The following RTKN2 variants were observed in gnomAD, a reference collection of about 807,000 sequenced individuals.
RTKN2 encodes rhotekin-2.
A neutral mutation model predicts 71.5 loss-of-function variants in RTKN2; 69 were observed. The observed-to-expected ratio is 0.96, with a 90% CI of 0.79 to 1.18. The LOEUF is 1.18. Among genes scored for constraint, RTKN2 ranks in the 50% most tolerant of loss-of-function variants. The pLI is 0.00. For synonymous variants in RTKN2, 236 were observed against 236.5 expected (o/e 1.00, Z 0.02); for missense variants, 724 against 719.7 (o/e 1.01, Z -0.07).
At chr10:62,209,268 C>CA (rs991232611) in intron 9 of RTKN2, among the ~76,000 whole-genome samples, 20 of 148,822 alleles carry the variant, frequency 1.3e-4, no homozygotes, top group South Asian at 4.2e-4. Flanking sequence ...AACTCCATCT[C>CA]AAAAAAAAAG....
intron 6 of RTKN2, among the ~76,000 whole-genome samples, chr10:62,223,727 A>G (rs1432980214): frequency 6.6e-6 from 1 of 152,210 alleles, no homozygotes; most frequent in Non-Finnish European, 1.5e-5. Context: ...TGCTGGTCGG[A>G]ATGTAAAATG....
intron 6 of RTKN2, among the ~76,000 whole-genome samples, chr10:62,228,464 G>A (rs1372818046): frequency 6.6e-6 from 1 of 152,164 alleles, no homozygotes; most frequent in South Asian, 2.1e-4. Context: ...TGGGATGGAG[G>A]TAACATGAGG....
chr10:62,235,358 A>C (rs979156890), intron 6 of RTKN2, among the ~76,000 whole-genome samples: 1 of 152,140 alleles, frequency 6.6e-6, no homozygotes, highest in Non-Finnish European at 1.5e-5. Context: ...TTCTATAAGA[A>C]TAAAGCATGA....
At chr10:62,217,872 C>T (rs1841810109) in intron 8 of RTKN2, among the ~76,000 whole-genome samples, 1 of 151,414 alleles carries the variant, frequency 6.6e-6, no homozygotes, top group South Asian at 2.1e-4. Context: ...CCAGAAAGAC[C>T]TTTATGTGAA....
At chr10:62,242,982 T>A (rs1194901619) in intron 3 of RTKN2, among the ~76,000 whole-genome samples, 1 of 152,196 alleles carries the variant, frequency 6.6e-6, no homozygotes, top group Non-Finnish European at 1.5e-5. Flanking sequence ...ATTTACTTTT[T>A]AAATTTTATT....
At chr10:62,185,617 CAA>C (rs1008412553) in intron 8 of RTKN2, among the ~76,000 whole-genome samples, 1 of 146,910 alleles carries the variant, frequency 6.8e-6, no homozygotes, top group African/African-American at 2.5e-5. Flanking sequence ...GACTCCGTCT[CAA>C]AAAAAAAAGA....
chr10:62,217,767 T>G (rs1461728605), intron 8 of RTKN2, among the ~76,000 whole-genome samples: 1 of 152,162 alleles, frequency 6.6e-6, no homozygotes, highest in East Asian at 1.9e-4. Context: ...TTACTGAATA[T>G]AAATAACTAT....
downstream of RTKN2, among the ~76,000 whole-genome samples, chr10:62,189,057 A>AC (rs1589323601): frequency 3.8e-5 from 2 of 53,190 alleles, no homozygotes; most frequent in East Asian, 1.1e-3. Flanking sequence ...CATATTTCCT[A>AC]CTTTTTTTTT....
intron 2 of RTKN2, among the ~76,000 whole-genome samples, chr10:62,254,360 G>C (rs909240646): frequency 6.6e-6 from 1 of 152,278 alleles, no homozygotes; most frequent in South Asian, 2.1e-4. Context: ...GGAAATGCTT[G>C]CTTTCCCTTC....
In RTKN2 at chr10:62,196,324, C is replaced by T. The variant is rs1841330458; in HGVS notation, c.*1584G>A. 2.0e-6 allele frequency: 2 copies of T among 984,076 alleles called. No individual in the cohort carries two copies. Among genetic ancestry groups the T allele is most frequent in the Non-Finnish European group, 2.4e-6 (2 of 828,764 alleles). The allele number at this position is 984,076 out of a possible 1,614,324, so 61.0% of individuals were successfully genotyped here. A position where few individuals can be genotyped will look rare whatever the true frequency, so the allele number is the denominator to read the frequency against. ...ACATGTGATGATCTCTACATGCTAT[C>T]AAGCAGGCATATAGTACTTTCTTCT... On this transcript the variant is annotated 3_prime_UTR_variant, in exon 12 of 12. Transcript: ENST00000373789.
intron 1 of RTKN2, among the ~76,000 whole-genome samples, chr10:62,266,468 CTG>C (rs1410851410): frequency 4.6e-5 from 7 of 152,094 alleles, no homozygotes; most frequent in African/African-American, 1.4e-4. Context: ...CTAAAAGAAA[CTG>C]TGTGGATTTT....
intron 9 of RTKN2, among the ~76,000 whole-genome samples, chr10:62,207,769 A>C (rs374564505): frequency 6.6e-6 from 1 of 152,088 alleles, no homozygotes. Flanking sequence ...GAAACAGGAA[A>C]AGAACAACTC....
chr10:62,200,245 C>G (rs1024965555), intron 10 of RTKN2, among the ~76,000 whole-genome samples: 1 of 151,168 alleles, frequency 6.6e-6, no homozygotes, highest in Non-Finnish European at 1.5e-5. Context: ...TGGCTGTAGT[C>G]CCCGCTACTT....
intron 1 of RTKN2, among the ~76,000 whole-genome samples, chr10:62,266,424 A>C (rs1010868667): frequency 6.6e-6 from 1 of 152,262 alleles, no homozygotes; most frequent in African/African-American, 2.4e-5. Context: ...CAAGGTGAAG[A>C]AGAAAAGAGT....
chr10:62,228,828 G>A (rs1842088355), intron 6 of RTKN2, among the ~76,000 whole-genome samples: 1 of 152,060 alleles, frequency 6.6e-6, no homozygotes, highest in Admixed American at 6.6e-5. Flanking sequence ...GGTGGATGGA[G>A]GATATTTTTC....
chr10:62,220,118 T>C (rs1267536057), intron 7 of RTKN2, among the ~76,000 whole-genome samples: 1 of 151,882 alleles, frequency 6.6e-6, no homozygotes, highest in Non-Finnish European at 1.5e-5. Flanking sequence ...ATTTTTTTTG[T>C]AAAAATAGTT....
At position 62,268,804 on chromosome 10, in the gene RTKN2, G is replaced by A. The variant is rs1211616664; in HGVS notation, c.-194C>T. On this transcript the variant is annotated 5_prime_UTR_variant, in exon 1 of 12. Coordinates refer to ENST00000373789, the MANE Select transcript of RTKN2 (RefSeq NM_145307.4). ...CGCCTTGCGCTCTGCAGCTCCCGCC[G>A]CCGGAAGTTGCCGAGACCCCAGGCT... 1 of 563,244 alleles carries A rather than the reference G, an allele frequency of 1.8e-6. No homozygotes were observed. 34.9% of individuals were successfully genotyped at this position (563,244 alleles called of 1,614,324 possible).
chr10:62,253,434 G>C (rs1412372911), intron 2 of RTKN2, among the ~76,000 whole-genome samples: 1 of 152,068 alleles, frequency 6.6e-6, no homozygotes, highest in Non-Finnish European at 1.5e-5. Context: ...ACAGTTCAAT[G>C]GGTCAAAAAA....
chr10:62,217,712 C>G (rs1174761039), intron 8 of RTKN2, among the ~76,000 whole-genome samples: 1 of 152,160 alleles, frequency 6.6e-6, no homozygotes, highest in Non-Finnish European at 1.5e-5. Context: ...CTAATGGAAT[C>G]TTTTAGAAAA....
Sources: gnomAD v4.1 joint callset for allele counts (sites outside exome capture counted in the v4.1 genomes callset) on GRCh38, gnomAD v4.1.1 for gene constraint, MANE v1.5 for transcripts, NCBI Gene and HGNC (gene_info 2026-07-23, HGNC 2026-07-21) for gene names.